ABAT: variants seen among roughly 807,000 people sequenced by gnomAD.
The protein encoded by ABAT is 4-aminobutyrate aminotransferase, also known as 4-aminobutyrate aminotransferase, mitochondrial.
In ABAT, 45 loss-of-function variants were observed where a neutral mutation model predicts 64.6. The ratio of observed to expected loss-of-function variants is 0.70; its 90% CI spans 0.55 to 0.89. ABAT has a LOEUF of 0.89. Ranked by LOEUF, ABAT falls within the 40% of genes least tolerant of loss-of-function variation. ABAT has a pLI of 0.00. For missense variants in ABAT, 633 were observed against 658.4 expected (o/e 0.96, Z 0.42); for synonymous variants, 297 against 250.5 (o/e 1.19, Z -1.75).
At chr16:8,738,500 G>A (rs1366591566) in intron 2 of ABAT, 2 of 454,116 alleles carry the variant, frequency 4.4e-6, no homozygotes, top group Non-Finnish European at 8.8e-6. Flanking sequence ...GGCCTCCTCT[G>A]GTCTGTGACA....
chr16:8,689,032 A>G, intron 1 of ABAT, among the ~76,000 whole-genome samples: 1 of 150,534 alleles, frequency 6.6e-6, no homozygotes, highest in East Asian at 2.0e-4. Flanking sequence ...GTGAGCCGAG[A>G]TTGCACCACT....
intron 1 of ABAT, among the ~76,000 whole-genome samples, chr16:8,674,927 C>T (rs1207044854): frequency 6.6e-6 from 1 of 152,168 alleles, no homozygotes; most frequent in Non-Finnish European, 1.5e-5. Flanking sequence ...ATGGGCCCTT[C>T]CTCCTGGCTC....
intron 1 of ABAT, among the ~76,000 whole-genome samples, chr16:8,690,920 T>C (rs1381384966): frequency 6.6e-6 from 1 of 152,060 alleles, no homozygotes; most frequent in Non-Finnish European, 1.5e-5. Context: ...GTTTTCAAGG[T>C]GGGAATTTGT....
chr16:8,708,669 C>T (rs1003380592), intron 1 of ABAT, among the ~76,000 whole-genome samples: 3 of 152,214 alleles, frequency 2.0e-5, no homozygotes. Context: ...GTTACAGACA[C>T]ATGACTGACA....
intron 1 of ABAT, 117 bp from the exon 2 acceptor site, chr16:8,735,582 C>A: frequency 1.1e-6 from 1 of 890,690 alleles, no homozygotes; most frequent in Non-Finnish European, 1.8e-6. Context: ...AAAACCCAAG[C>A]ATTTGACAAT....
At chr16:8,733,406 C>T (rs1345067543) in intron 1 of ABAT, among the ~76,000 whole-genome samples, 6 of 151,528 alleles carry the variant, frequency 4.0e-5, no homozygotes, top group African/African-American at 7.3e-5. Flanking sequence ...CAGGCAGAGA[C>T]GCTCCTCACT....
intron 1 of ABAT, among the ~76,000 whole-genome samples, chr16:8,732,927 G>A (rs1231474082): frequency 2.7e-5 from 4 of 150,628 alleles, no homozygotes; most frequent in African/African-American, 7.4e-5. Flanking sequence ...CGGGCGGGGG[G>A]CTGACCCCCC....
chr16:8,701,687 G>A (rs192241235), intron 1 of ABAT, among the ~76,000 whole-genome samples: 95 of 152,370 alleles, frequency 6.2e-4, no homozygotes, highest in African/African-American at 2.0e-3. Flanking sequence ...GGGATGCTGA[G>A]GAGATAGAGG....
rs114966301 is a variant in ABAT, at chr16:8,781,010, C to T, written c.1382-299C>T. ...AGGATTTCTCTATCACCAGACCTAGCTTGGGGCAGCAAAGCAGGCACTCAA... is the reference window on the plus strand; with the variant it reads ...AGGATTTCTCTATCACCAGACCTAGTTTGGGGCAGCAAAGCAGGCACTCAA... On this transcript the variant is annotated intron_variant, in intron 15 of 15. Transcript: ENST00000268251. The surrounding 1 kb of genome is among the most constrained non-coding windows in gnomAD (Gnocchi z 4.5). Among the ~76,000 whole-genome samples the T allele has an allele frequency of 6.6e-6, 1 of 151,936 alleles. No individual in the cohort carries two copies. Among genetic ancestry groups the T allele is most frequent in the Admixed American group, 6.6e-5 (1 of 15,242 alleles).
In ABAT at chr16:8,757,617, G is replaced by C. The variant is rs1262573147; in HGVS notation, c.317-140G>C. On this transcript the variant is annotated intron_variant, in intron 5 of 15. Coordinates refer to ENST00000268251, the MANE Select transcript of ABAT (RefSeq NM_020686.6). ...GGTGGGGCCCCAGGAATCTCTTTTT[G>C]TCAACAAAGGATAAAAGACCCTTTG... 1.6e-5 allele frequency: 15 copies of C among 954,282 alleles called. No individual in the cohort carries two copies. The African/African-American group carries it at 2.3e-4, about 15-fold the overall frequency. 59.1% of individuals were successfully genotyped at this position (954,282 alleles called of 1,614,324 possible).
At chr16:8,682,224 CACAG>C (rs56046317) in intron 1 of ABAT, among the ~76,000 whole-genome samples, 29,207 of 146,866 alleles carry the variant, frequency 0.2, 3,445 homozygotes, top group Middle Eastern at 0.3. Context: ...CACACACACA[CACAG>C]AGGAGGCATT....
intron 11 of ABAT, 110 bp from the exon 12 acceptor site, chr16:8,772,668 CAA>C: frequency 7.0e-7 from 1 of 1,438,642 alleles, no homozygotes; most frequent in Non-Finnish European, 9.8e-7. Flanking sequence ...GAAATGCACA[CAA>C]ACACATTTCC....
intron 1 of ABAT, among the ~76,000 whole-genome samples, chr16:8,700,256 G>A (rs1347494745): frequency 6.6e-6 from 1 of 152,112 alleles, no homozygotes; most frequent in Non-Finnish European, 1.5e-5. Context: ...AACTAAAATT[G>A]CAAAATTAAT....
At chr16:8,689,348 A>T (rs764422246) in intron 1 of ABAT, among the ~76,000 whole-genome samples, 5 of 152,192 alleles carry the variant, frequency 3.3e-5, no homozygotes, top group Non-Finnish European at 7.3e-5. Context: ...CCGTGTGTTT[A>T]ATCTTTGCCC....
At chr16:8,685,595 G>A (rs2057436521) in intron 1 of ABAT, among the ~76,000 whole-genome samples, 1 of 152,016 alleles carries the variant, frequency 6.6e-6, no homozygotes, top group Non-Finnish European at 1.5e-5. Flanking sequence ...AGAATCGCTT[G>A]AACCCGGGAG....
intron 2 of ABAT, among the ~76,000 whole-genome samples, chr16:8,740,526 A>G (rs1039687665): frequency 5.3e-5 from 8 of 152,168 alleles, no homozygotes; most frequent in Non-Finnish European, 7.3e-5. Flanking sequence ...GCCGCTTACA[A>G]TGTGGCAACT....
chr16:8,778,313 C>A (rs558832617), intron 14 of ABAT, among the ~76,000 whole-genome samples: 8 of 152,280 alleles, frequency 5.3e-5, no homozygotes, highest in African/African-American at 1.9e-4. Flanking sequence ...GGCTCCTTCT[C>A]GAGGCTCTGG....
chr16:8,723,645 G>C (rs1284410687), intron 1 of ABAT, among the ~76,000 whole-genome samples: 2 of 151,770 alleles, frequency 1.3e-5, no homozygotes, highest in Non-Finnish European at 1.5e-5. Context: ...GATTGTCCAG[G>C]ATGTGTTCAT....
At chr16:8,745,794 A>T (rs2059310674) in intron 2 of ABAT, among the ~76,000 whole-genome samples, 1 of 152,206 alleles carries the variant, frequency 6.6e-6, no homozygotes, top group Non-Finnish European at 1.5e-5. Flanking sequence ...AACTTTGCTG[A>T]CACTGGGTTT....
Sources: allele counts gnomAD v4.1 joint callset (sites outside exome capture counted in the v4.1 genomes callset), GRCh38; gene constraint gnomAD v4.1.1; non-coding constraint Gnocchi (gnomAD v3.1); transcripts MANE v1.5; gene names NCBI Gene and HGNC (gene_info 2026-07-23, HGNC 2026-07-21).